TNFRSF11A: variants seen among roughly 807,000 people sequenced by gnomAD.
TNFRSF11A encodes the protein tumor necrosis factor receptor superfamily member 11A.
TNFRSF11A carries 32 observed loss-of-function variants against 55.7 expected under a neutral mutation model. The ratio of observed to expected loss-of-function variants is 0.57; its 90% confidence interval spans 0.43 to 0.77. The LOEUF (loss-of-function observed/expected upper bound fraction) is 0.77, where lower values mean the gene tolerates loss of function less well. TNFRSF11A is among the 30% of genes least tolerant of loss of function. The pLI is 0.00. For synonymous variants in TNFRSF11A, 311 were observed against 331.0 expected (o/e 0.94, Z 0.65); for missense variants, 753 against 809.8 (o/e 0.93, Z 0.85).
At chr18:62,379,807 G>A (rs1169308849) in intron 9 of TNFRSF11A, among the ~76,000 whole-genome samples, 1 of 152,120 alleles carries the variant, frequency 6.6e-6, no homozygotes, top group Non-Finnish European at 1.5e-5. Context: ...TGAACATGAG[G>A]GAAACATATC....
chr18:62,326,232 C>G (rs1266717154), intron 1 of TNFRSF11A, among the ~76,000 whole-genome samples: 2 of 152,190 alleles, frequency 1.3e-5, no homozygotes, highest in Non-Finnish European at 2.9e-5. Flanking sequence ...GGTCAGATTT[C>G]CCCTCTGTTA....
chr18:62,373,455 A>AC (rs1009263201), intron 9 of TNFRSF11A, among the ~76,000 whole-genome samples: 13 of 152,082 alleles, frequency 8.5e-5, no homozygotes, highest in African/African-American at 2.9e-4. Context: ...TCTGTCTCAA[A>AC]AAAAAAAAGA....
chr18:62,342,401 C>CAAAAAAAAAAAAAAAAAAAAAAAAGAA (rs371734407), intron 1 of TNFRSF11A, among the ~76,000 whole-genome samples: 1 of 62,228 alleles, frequency 1.6e-5, no homozygotes, highest in Admixed American at 2.0e-4. Flanking sequence ...GATTCTGTCT[C>CAAAAAAAAAAAAAAAAAAAAAAAAGAA]AAAAAAAAAA....
chr18:62,372,688 T>C (rs561328141), intron 9 of TNFRSF11A, among the ~76,000 whole-genome samples: 6 of 152,256 alleles, frequency 3.9e-5, no homozygotes, highest in Non-Finnish European at 8.8e-5. Flanking sequence ...AAGTGCCCAG[T>C]GTCTATTGTT....
intron 5 of TNFRSF11A, among the ~76,000 whole-genome samples, chr18:62,359,749 A>G (rs1359971990): frequency 6.6e-6 from 1 of 152,200 alleles, no homozygotes; most frequent in Non-Finnish European, 1.5e-5. Flanking sequence ...CTGTCAGAGA[A>G]CACAGGCAGC....
chr18:62,380,774 A>T (rs11876459), intron 9 of TNFRSF11A, among the ~76,000 whole-genome samples: 3,275 of 149,824 alleles, frequency 0.022, 121 homozygotes, highest in African/African-American at 0.077. Context: ...TTGCCCTTCC[A>T]CAAGCCTCAC....
chr18:62,347,672 GGAGGCC>G (rs1409027554), intron 1 of TNFRSF11A, among the ~76,000 whole-genome samples: 2 of 152,124 alleles, frequency 1.3e-5, no homozygotes, highest in Non-Finnish European at 2.9e-5. Flanking sequence ...CAGCACTTTG[GGAGGCC>G]GAGGCGGGTG....
chr18:62,368,954 A>G lies in TNFRSF11A; in HGVS notation c.1037A>G (p.Glu346Gly), dbSNP rs143775083. The G allele has an allele frequency of 3.6e-5, 58 of 1,614,160 alleles. No homozygotes were observed. The highest frequency in any genetic ancestry group is 4.2e-6 in the Non-Finnish European group (5 of 1,180,062). Residue 346 changes from glutamate (E) to glycine (G), a missense_variant, in exon 9 of 10, where the codon GAA becomes GGA. Glu to Gly is a moderately conservative substitution (Grantham distance 98). Coordinates refer to ENST00000586569, the MANE Select transcript of TNFRSF11A (RefSeq NM_003839.4). Reference sequence around the variant, plus strand: ...GACAGCTTCAGACAGATGCCCACAGAAGATGAATACATGGACAGGCCCTCC... The same window carrying G: ...GACAGCTTCAGACAGATGCCCACAGGAGATGAATACATGGACAGGCCCTCC... ...EEDSFRQMPT[E>G]DEYMDRPSQP...
intron 9 of TNFRSF11A, among the ~76,000 whole-genome samples, chr18:62,382,840 G>C (rs1911389617): frequency 6.6e-6 from 1 of 152,040 alleles, no homozygotes; most frequent in Admixed American, 6.6e-5. Flanking sequence ...TTGGGTCCTT[G>C]CAAAGCATTC....
At position 62,369,046 on chromosome 18, in the gene TNFRSF11A, C is replaced by A; in HGVS notation, c.1129C>A (p.Pro377Thr). ...GSKSTPPFSEPLEVGENDSLS... is the reference protein window; with the variant it reads ...GSKSTPPFSETLEVGENDSLS... ...CAAATCCACACCTCCTTTCTCTGAA[C>A]CCCTGGAGGTGGGGGAGAATGACAG... The change falls in exon 9 of 10, where the codon CCC (proline) becomes ACC (threonine). Residue 377 changes from proline to threonine, a missense_variant. Pro to Thr is a conservative substitution (Grantham distance 38). Transcript: ENST00000586569. 2 of 1,614,236 alleles carry A rather than the reference C, an allele frequency of 1.2e-6. No homozygotes were observed. Among genetic ancestry groups the A allele is most frequent in the Non-Finnish European group, 1.7e-6 (2 of 1,180,040 alleles).
At chr18:62,363,348 A>T (rs184887931) in intron 7 of TNFRSF11A, among the ~76,000 whole-genome samples, 1 of 148,858 alleles carries the variant, frequency 6.7e-6, no homozygotes, top group Non-Finnish European at 1.5e-5. Context: ...GCAGTGAGCA[A>T]TGTTTGAGTG....
rs1041264191 is a variant in TNFRSF11A at position 62,391,122 on chromosome 18, A to T, written c.*6088A>T. 3 of 152,226 alleles carry T rather than the reference A, an allele frequency of 2.0e-5. No individual in the cohort carries two copies. Among genetic ancestry groups the T allele is most frequent in the Admixed American group, 2.0e-4 (3 of 15,282 alleles). 9.4% of individuals were successfully genotyped at this position (152,226 alleles called of 1,614,324 possible). On this transcript the variant is annotated 3_prime_UTR_variant, in exon 10 of 10. Transcript: ENST00000586569. ...GAGTTACACAGCTCATAGCCATTTG[A>T]GTCTGGCTTCTTTCCACATAATGTC... is the stretch of plus-strand genomic sequence containing the variant.
chr18:62,358,485 A>G (rs1359198396), intron 5 of TNFRSF11A, 144 bp downstream of exon 5: 19 of 790,560 alleles, frequency 2.4e-5, no homozygotes, highest in South Asian at 7.1e-5. Flanking sequence ...AAGTCTGTCA[A>G]TTCAGCCTGG....
chr18:62,363,697 C>T (rs1322685332), intron 7 of TNFRSF11A, among the ~76,000 whole-genome samples: 1 of 152,150 alleles, frequency 6.6e-6, no homozygotes, highest in African/African-American at 2.4e-5. Context: ...AGAGTCTGTT[C>T]ATTGTTGAAT....
intron 1 of TNFRSF11A, among the ~76,000 whole-genome samples, chr18:62,338,910 G>A (rs12969154): frequency 0.069 from 10,487 of 152,220 alleles, 799 homozygotes; most frequent in East Asian, 0.33. Context: ...TTGGCAGTGG[G>A]AGACAGCCCT....
At chr18:62,328,320 G>A (rs1340386957) in intron 1 of TNFRSF11A, among the ~76,000 whole-genome samples, 1 of 152,104 alleles carries the variant, frequency 6.6e-6, no homozygotes, top group Non-Finnish European at 1.5e-5. Flanking sequence ...TGGGAAACCA[G>A]AGGTCAGGGA....
chr18:62,328,172 A>C (rs1229141036), intron 1 of TNFRSF11A, among the ~76,000 whole-genome samples: 2 of 152,126 alleles, frequency 1.3e-5, no homozygotes, highest in African/African-American at 4.8e-5. Flanking sequence ...GAGAGCAGCA[A>C]ATGATAAGAA....
At chr18:62,364,359 C>T (rs535743092) in intron 7 of TNFRSF11A, among the ~76,000 whole-genome samples, 12 of 152,188 alleles carry the variant, frequency 7.9e-5, no homozygotes, top group African/African-American at 2.6e-4. Flanking sequence ...ATGGCGAGAC[C>T]ATGTAGCGGC....
At chr18:62,357,411 G>A (rs1031497786) in intron 4 of TNFRSF11A, among the ~76,000 whole-genome samples, 1 of 152,222 alleles carries the variant, frequency 6.6e-6, no homozygotes, top group Non-Finnish European at 1.5e-5. Flanking sequence ...TGAGAGTCAA[G>A]TCAGTTCACT....
Sources: allele counts gnomAD v4.1 joint callset (sites outside exome capture counted in the v4.1 genomes callset), GRCh38; gene constraint gnomAD v4.1.1; transcripts MANE v1.5; gene names NCBI Gene and HGNC (gene_info 2026-07-23, HGNC 2026-07-21).